The following ADGRD1 variants were observed in gnomAD, a reference collection of about 807,000 sequenced individuals.
ADGRD1 encodes adhesion G protein-coupled receptor D1.
ADGRD1 carries 77 observed loss-of-function variants against 113.4 expected under a neutral mutation model. That is an observed-to-expected ratio of 0.68 (90% CI 0.57 to 0.82). The LOEUF is 0.82. Ranked by LOEUF, ADGRD1 falls within the 40% of genes least tolerant of loss-of-function variation. ADGRD1 has a pLI of 0.00. For missense variants in ADGRD1, 1,036 were observed against 1,139.1 expected, an observed-to-expected ratio of 0.91 and a Z score of 1.30; for synonymous variants, 474 against 475.0, an observed-to-expected ratio of 1.00 and a Z score of 0.03.
chr12:131,030,683 A>G (rs1880611867), intron 13 of ADGRD1: 1 of 152,268 alleles, frequency 6.6e-6, no homozygotes, highest in Non-Finnish European at 1.5e-5. Context: ...CCACCTCAGC[A>G]GAATGGCGAA....
intron 12 of ADGRD1, among the ~76,000 whole-genome samples, chr12:131,009,803 T>C: frequency 6.6e-6 from 1 of 152,164 alleles, no homozygotes; most frequent in South Asian, 2.1e-4. Flanking sequence ...TGCGTGTGTG[T>C]GTGTACATGT....
At chr12:131,103,396 G>C (rs1950140993) in intron 15 of ADGRD1, among the ~76,000 whole-genome samples, 1 of 152,264 alleles carries the variant, frequency 6.6e-6, no homozygotes, top group African/African-American at 2.4e-5. Context: ...GGAGGCACAG[G>C]CTGTGGCGTC....
At chr12:131,131,840 C>G (rs1347691248) in intron 21 of ADGRD1, 24 bp downstream of exon 21, 2 of 1,448,262 alleles carry the variant, frequency 1.4e-6, no homozygotes, top group Non-Finnish European at 1.9e-6. Context: ...AGGCTGCCAG[C>G]AGTGCCACGG....
At chr12:131,004,040 T>TTTTTGG in intron 10 of ADGRD1, 146 bp from the exon 11 acceptor site, 3 of 548,588 alleles carry the variant, frequency 5.5e-6, no homozygotes, top group Admixed American at 3.2e-5. Context: ...TTTTTTTTTT[T>TTTTTGG]GAGGCCATGC....
At position 130,982,022 on chromosome 12, in the gene ADGRD1, G is replaced by C; in HGVS notation, c.449G>C (p.Arg150Pro). ...GGRGSVELYTRDNSMTWEASF... is the reference protein window; with the variant it reads ...GGRGSVELYTPDNSMTWEASF... ...AGAGGCTCTGTGGAGCTGTATACGCGGGACAATTCCATGACATGGGAGGCC... is the reference window on the plus strand; with the variant it reads ...AGAGGCTCTGTGGAGCTGTATACGCCGGACAATTCCATGACATGGGAGGCC... The change falls in exon 5 of 25, where the codon CGG becomes CCG. Residue 150 changes from arginine (R) to proline (P), a missense_variant. Arg to Pro is a moderately radical substitution (Grantham distance 103, BLOSUM62 -2). Coordinates refer to ENST00000261654, the MANE Select transcript of ADGRD1 (RefSeq NM_198827.5). 6.2e-7 allele frequency: 1 copy of C among 1,613,952 alleles called. No homozygotes were observed. Among genetic ancestry groups the C allele is most frequent in the East Asian group, 2.2e-5 (1 of 44,884 alleles).
At chr12:131,107,118 C>T (rs1053211297) in intron 17 of ADGRD1, among the ~76,000 whole-genome samples, 1 of 152,198 alleles carries the variant, frequency 6.6e-6, no homozygotes, top group African/African-American at 2.4e-5. Context: ...GAGCATCTTT[C>T]CTCCAGAACC....
chr12:131,102,363 G>A (rs576077163), intron 15 of ADGRD1, among the ~76,000 whole-genome samples: 1 of 152,334 alleles, frequency 6.6e-6, no homozygotes, highest in South Asian at 2.1e-4. Flanking sequence ...CCCGCCTGTT[G>A]AGGAACTTGT....
intron 13 of ADGRD1, among the ~76,000 whole-genome samples, chr12:131,058,034 A>G (rs990094145): frequency 2.0e-5 from 3 of 152,260 alleles, no homozygotes; most frequent in Admixed American, 6.5e-5. Flanking sequence ...AGAGAAGCAG[A>G]CAGCAACTTC....
Position 131,012,384 on chromosome 12 carries a change from C to T in ADGRD1, c.1332-1815C>T, listed in dbSNP as rs118027923. Among the ~76,000 whole-genome samples the T allele has an allele frequency of 3.3e-3, 497 of 152,014 alleles. 2 individuals carry two copies. Among genetic ancestry groups the T allele is most frequent in the Middle Eastern group, 0.014 (4 of 294 alleles). On this transcript the variant is annotated intron_variant, in intron 12 of 24. Transcript: ENST00000261654. ...GAGGAATTGCCGGGTCGAGCAGTCG[C>T]GTCTGTTGTTACTCACAGGCCTGAG... is the stretch of plus-strand genomic sequence containing the variant.
intron 13 of ADGRD1, among the ~76,000 whole-genome samples, chr12:131,074,864 A>T (rs1458608568): frequency 6.6e-6 from 1 of 152,098 alleles, no homozygotes; most frequent in African/African-American, 2.4e-5. Context: ...CCACCCTCCG[A>T]CCACACACAT....
chr12:130,955,285 A>G (rs1432897955), intron 2 of ADGRD1, among the ~76,000 whole-genome samples: 1 of 151,756 alleles, frequency 6.6e-6, no homozygotes, highest in African/African-American at 2.4e-5. Flanking sequence ...GGGCAGATTC[A>G]CTGGTGGGGA....
At chr12:131,116,231 A>C (rs1404404141) in intron 18 of ADGRD1, among the ~76,000 whole-genome samples, 1 of 152,138 alleles carries the variant, frequency 6.6e-6, no homozygotes, top group Non-Finnish European at 1.5e-5. Context: ...CAGGGGAAGA[A>C]ATGGCAGAGG....
At position 130,954,358 on chromosome 12, in the gene ADGRD1, G is replaced by C. The variant is rs996712377; in HGVS notation, c.-108G>C. On this transcript the variant is annotated 5_prime_UTR_variant, in exon 1 of 25. Coordinates refer to ENST00000261654, the MANE Select transcript of ADGRD1 (RefSeq NM_198827.5). The surrounding 1 kb of genome is among the most constrained non-coding windows in gnomAD (Gnocchi z 4.7). ...AAGGAGACAGAAATTTTCTCCCCTG[G>C]AACCTGTGAAAATGTCCCTTTTCCA... 68 of 980,850 alleles carry C rather than the reference G, an allele frequency of 6.9e-5. No individual in the cohort carries two copies. Among genetic ancestry groups the C allele is most frequent in the Non-Finnish European group, 1.0e-4 (66 of 663,054 alleles). The allele number at this position is 980,850 out of a possible 1,614,324, so 60.8% of individuals were successfully genotyped here. A position where few individuals can be genotyped will look rare whatever the true frequency, so the allele number is the denominator to read the frequency against.
intron 8 of ADGRD1, among the ~76,000 whole-genome samples, chr12:130,996,316 CCGGG>C (rs1402654290): frequency 2.8e-4 from 38 of 136,348 alleles, no homozygotes; most frequent in Admixed American, 6.4e-4. Flanking sequence ...GGGGTGGTGG[CCGGG>C]CAGAGGGGCT....
intron 17 of ADGRD1, among the ~76,000 whole-genome samples, chr12:131,107,684 T>C (rs1315629453): frequency 6.6e-6 from 1 of 152,124 alleles, no homozygotes; most frequent in Non-Finnish European, 1.5e-5. Flanking sequence ...AAGGGGCTGC[T>C]CCCCAAGGAA....
chr12:131,050,550 A>T lies in ADGRD1; in HGVS notation c.1474-26251A>T, dbSNP rs188887977. ...GGGAAGGCCTCCGGGAGCTACAGTC[A>T]TGGCAGAAGGTGGAGGGAACCAGGC... On this transcript the variant is annotated intron_variant, in intron 13 of 24. Transcript: ENST00000261654. This position sits in a 1 kb window ranked among gnomAD's most constrained non-coding sequence, Gnocchi z 4.8. Among the ~76,000 whole-genome samples, 285 of 152,228 alleles carry T rather than the reference A, an allele frequency of 1.9e-3. No homozygotes were observed. The highest frequency in any genetic ancestry group is 6.7e-3 in the African/African-American group (278 of 41,538).
chr12:131,124,701 C>T (rs891483503), intron 20 of ADGRD1, among the ~76,000 whole-genome samples: 9 of 106,744 alleles, frequency 8.4e-5, no homozygotes, highest in African/African-American at 2.6e-4. Flanking sequence ...TCGGCTGTAA[C>T]ACACACACTG....
intron 13 of ADGRD1, among the ~76,000 whole-genome samples, chr12:131,033,341 C>T (rs1236714846): frequency 1.3e-5 from 2 of 152,208 alleles, no homozygotes; most frequent in South Asian, 2.1e-4. Flanking sequence ...GGGTGCCCTT[C>T]CATCATGCAC....
rs762492710 is a variant in ADGRD1 at position 131,139,157 on chromosome 12, A to G, written c.2530-11A>G. The G allele has an allele frequency of 4.3e-6, 7 of 1,609,484 alleles. No homozygotes were observed. Among genetic ancestry groups the G allele is most frequent in the Non-Finnish European group, 5.1e-6 (6 of 1,176,874 alleles). The stretch of plus-strand genomic sequence containing the variant: ...CAGGCCCTTCACTGCTCATCCCTTT[A>G]TGCTTTGCAGATGAATGGGACCCGG... On this transcript the variant is annotated splice_polypyrimidine_tract_variant and intron_variant, in intron 24 of 24. Transcript: ENST00000261654.
Sources: allele counts gnomAD v4.1 joint callset (sites outside exome capture counted in the v4.1 genomes callset), GRCh38; gene constraint gnomAD v4.1.1; non-coding constraint Gnocchi (gnomAD v3.1); transcripts MANE v1.5; gene names NCBI Gene and HGNC (gene_info 2026-07-23, HGNC 2026-07-21).